The following ITPR1 variants were observed in gnomAD, a reference collection of about 807,000 sequenced individuals.
The protein encoded by ITPR1 is inositol 1,4,5-trisphosphate receptor type 1, also known as inositol 1,4,5-trisphosphate-gated calcium channel ITPR1.
ITPR1 carries 96 observed loss-of-function variants against 318.4 expected under a neutral mutation model. The ratio of observed to expected loss-of-function variants is 0.30; its 90% confidence interval spans 0.26 to 0.36. The LOEUF (loss-of-function observed/expected upper bound fraction) is 0.36, where lower values mean the gene tolerates loss of function less well. Among genes scored for constraint, ITPR1 ranks in the 10% least tolerant of loss-of-function variants. The pLI, the probability that ITPR1 is intolerant of heterozygous loss-of-function variation, is 1.00. For synonymous variants in ITPR1, 1,312 were observed against 1,289.9 expected (o/e 1.02, Z -0.37); for missense variants, 2,440 against 3,460.2 (o/e 0.71, Z 7.40).
chr3:4,587,709 C>T (rs1207149277), intron 4 of ITPR1, among the ~76,000 whole-genome samples: 1 of 152,074 alleles, frequency 6.6e-6, no homozygotes, highest in Admixed American at 6.6e-5. Flanking sequence ...AGGTAATTGC[C>T]CACAGGATAA....
chr3:4,655,450 G>A (rs2093684847), intron 12 of ITPR1, among the ~76,000 whole-genome samples: 1 of 152,186 alleles, frequency 6.6e-6, no homozygotes, highest in Non-Finnish European at 1.5e-5. Context: ...GAGCTGCTGT[G>A]TGACCTTGGA....
chr3:4,658,171 A>T lies in ITPR1; in HGVS notation c.1044A>T (p.Gln348His). Residue 348 changes from glutamine to histidine, a missense_variant, in exon 13 of 62, where the codon CAA becomes CAT. Physicochemically the swap from Gln to His is conservative, Grantham distance 24. Coordinates refer to ENST00000649015, the MANE Select transcript of ITPR1 (RefSeq NM_001378452.1). ...CTCGAAGTAGGTTGCGGAATGCCCA[A>T]GAAAAGATGGTATACTCCCTGGTCT... ...DASRSRLRNA[Q>H]EKMVYSLVSV... 6.2e-7 allele frequency: 1 copy of T among 1,613,490 alleles called. No individual in the cohort carries two copies. Among genetic ancestry groups the T allele is most frequent in the Non-Finnish European group, 8.5e-7 (1 of 1,179,550 alleles).
chr3:4,814,237 G>A (rs2049133689), intron 57 of ITPR1, 186 bp from the exon 58 acceptor site: 5 of 639,360 alleles, frequency 7.8e-6, no homozygotes, highest in Admixed American at 4.7e-5. Context: ...GGGGGTTAGC[G>A]ATGAAAACAG....
intron 4 of ITPR1, among the ~76,000 whole-genome samples, chr3:4,597,754 G>C (rs1435435807): frequency 6.6e-6 from 1 of 152,224 alleles, no homozygotes; most frequent in Non-Finnish European, 1.5e-5. Context: ...ACTGCAACCT[G>C]GTGTGATATG....
chr3:4,620,675 T>C (rs1448763763), intron 4 of ITPR1, among the ~76,000 whole-genome samples: 1 of 133,034 alleles, frequency 7.5e-6, no homozygotes, highest in Non-Finnish European at 1.6e-5. Context: ...TAATTTTCTT[T>C]GTGGGTTTTT....
chr3:4,771,729 T>A (rs375786953), intron 46 of ITPR1, among the ~76,000 whole-genome samples: 125 of 152,112 alleles, frequency 8.2e-4, no homozygotes, highest in African/African-American at 2.9e-3. Flanking sequence ...ATAGTATATT[T>A]TAACATATTT....
chr3:4,586,280 G>A (rs1284229050), intron 4 of ITPR1, among the ~76,000 whole-genome samples: 1 of 152,110 alleles, frequency 6.6e-6, no homozygotes, highest in African/African-American at 2.4e-5. Context: ...TGTTCTGAAA[G>A]CTTTACCCGT....
At chr3:4,696,444 G>A (rs545858655) in intron 33 of ITPR1, among the ~76,000 whole-genome samples, 36 of 152,228 alleles carry the variant, frequency 2.4e-4, no homozygotes, top group Non-Finnish European at 4.6e-4. Context: ...TCAGCACTTC[G>A]TTCCTTTATG....
intron 44 of ITPR1, among the ~76,000 whole-genome samples, chr3:4,754,059 T>G (rs11706000): frequency 0.71 from 77,948 of 110,108 alleles, 24,032 homozygotes; most frequent in Non-Finnish European, 0.72. Context: ...GGGGGGGGGG[T>G]GGCAAGGATT....
At chr3:4,499,488 T>C (rs546231773) in intron 2 of ITPR1, among the ~76,000 whole-genome samples, 13 of 152,222 alleles carry the variant, frequency 8.5e-5, no homozygotes, top group African/African-American at 2.6e-4. Flanking sequence ...CTGATATATA[T>C]ACATATATAA....
chr3:4,784,354 T>G lies in ITPR1; in HGVS notation c.6615+434T>G, dbSNP rs111293116. The stretch of plus-strand genomic sequence containing the variant: ...AAGCGAAAGCCCAGACGTGGGAAGA[T>G]TCTAGGTGATCCGGAGGGGCTAAGC... On this transcript the variant is annotated intron_variant, in intron 51 of 61. Transcript: ENST00000649015. Among the ~76,000 whole-genome samples the G allele has an allele frequency of 6.8e-3, 1,041 of 151,972 alleles. 11 individuals are homozygous for G. The highest frequency in any genetic ancestry group is 0.024 in the African/African-American group (1,002 of 41,404).
chr3:4,554,944 A>G (rs1251639545), intron 4 of ITPR1, among the ~76,000 whole-genome samples: 1 of 152,206 alleles, frequency 6.6e-6, no homozygotes, highest in African/African-American at 2.4e-5. Context: ...CTCTAGGAGC[A>G]CACAGCATTC....
chr3:4,667,946 C>T (rs1230142630), intron 18 of ITPR1, among the ~76,000 whole-genome samples: 2 of 151,906 alleles, frequency 1.3e-5, no homozygotes, highest in African/African-American at 4.8e-5. Flanking sequence ...TTTGTGGGTA[C>T]GTAGTAGGTG....
At chr3:4,660,849 C>T (rs1166428989) in intron 13 of ITPR1, 139 bp from the exon 14 acceptor site, 4 of 446,102 alleles carry the variant, frequency 9.0e-6, no homozygotes, top group Admixed American at 4.0e-5. Context: ...GACCATTTGC[C>T]CCTTCGTGTA....
rs77937725 is a variant in ITPR1, at chr3:4,614,361, C to T, written c.164-13402C>T. 1.2e-4 allele frequency among the ~76,000 whole-genome samples: 18 copies of T among 152,334 alleles called. No individual in the cohort carries two copies. In the East Asian group the frequency reaches 2.7e-3, roughly 23 times the overall value. On this transcript the variant is annotated intron_variant, in intron 4 of 61. Coordinates refer to ENST00000649015, the MANE Select transcript of ITPR1 (RefSeq NM_001378452.1). ...GTGGTCTTCCAGCGTTGCAGTGTAA[C>T]GTGGCTGTGTCACCTGTTTATCCCT... is the stretch of plus-strand genomic sequence containing the variant.
intron 5 of ITPR1, among the ~76,000 whole-genome samples, chr3:4,636,584 A>G (rs927839085): frequency 3.9e-5 from 6 of 152,146 alleles, no homozygotes; most frequent in Admixed American, 6.5e-5. Flanking sequence ...GCCCGCCACC[A>G]TGCCCAGCTA....
chr3:4,710,194 C>G lies in ITPR1; in HGVS notation c.4843-131C>G. 1.3e-6 allele frequency: 1 copy of G among 748,648 alleles called. No homozygotes were observed. 46.4% of individuals were successfully genotyped at this position (748,648 alleles called of 1,614,324 possible). ...GGGCAATGTCTAATAATTTGAGATG[C>G]CAGACGGTACTAAAGTTACTCTAAC... On this transcript the variant is annotated intron_variant, in intron 37 of 61. Transcript: ENST00000649015. This position sits in a 1 kb window ranked among gnomAD's most constrained non-coding sequence, Gnocchi z 4.2.
chr3:4,716,164 C>G (rs188379986), intron 39 of ITPR1, among the ~76,000 whole-genome samples: 42 of 152,250 alleles, frequency 2.8e-4, no homozygotes, highest in African/African-American at 9.1e-4. Flanking sequence ...GTGTGCAATG[C>G]CTACTAATCT....
chr3:4,603,190 G>T (rs2091428901), intron 4 of ITPR1, among the ~76,000 whole-genome samples: 1 of 151,358 alleles, frequency 6.6e-6, no homozygotes, highest in South Asian at 2.1e-4. Flanking sequence ...TTTTTATTTT[G>T]TTTTTTTTAC....
Sources: gnomAD v4.1 joint callset for allele counts (sites outside exome capture counted in the v4.1 genomes callset) on GRCh38, gnomAD v4.1.1 for gene constraint, Gnocchi (gnomAD v3.1) non-coding constraint, MANE v1.5 for transcripts, NCBI Gene and HGNC (gene_info 2026-07-23, HGNC 2026-07-21) for gene names.